The following TENM3 variants were observed in gnomAD, a reference collection of about 807,000 sequenced individuals.
The protein encoded by TENM3 is teneurin-3.
Under a neutral mutation model 255.1 loss-of-function variants are expected in TENM3, and 63 were observed. That is an observed-to-expected ratio of 0.25 (90% CI 0.20 to 0.30). The LOEUF is 0.30. Ranked by LOEUF, TENM3 falls within the 10% of genes least tolerant of loss-of-function variation. The pLI is 1.00. For synonymous variants in TENM3, 1,306 were observed against 1,322.3 expected (o/e 0.99, Z 0.27); for missense variants, 2,929 against 3,461.1 (o/e 0.85, Z 3.86).
chr4:182,566,962 T>A (rs776697833), intron 3 of TENM3, among the ~76,000 whole-genome samples: 7 of 152,186 alleles, frequency 4.6e-5, no homozygotes, highest in Non-Finnish European at 8.8e-5. Flanking sequence ...TATTCTTTAC[T>A]ATAATGAAGC....
chr4:182,447,516 G>A (rs1414314946), intron 3 of TENM3, among the ~76,000 whole-genome samples: 5 of 152,184 alleles, frequency 3.3e-5, no homozygotes, highest in Admixed American at 3.3e-4. Context: ...TGGGAATGAG[G>A]AAAGCATTTT....
the TENM3 span, among the ~76,000 whole-genome samples, chr4:181,703,510 T>C: frequency 6.6e-6 from 1 of 152,210 alleles, no homozygotes; most frequent in African/African-American, 2.4e-5. Flanking sequence ...CGAGGTGCCA[T>C]ATTGATGCGT....
In TENM3 at chr4:182,679,653, G is replaced by A. The variant is rs376045080; in HGVS notation, c.1327-13G>A. 350 of 1,598,726 alleles carry A rather than the reference G, an allele frequency of 2.2e-4. No homozygotes were observed. Among genetic ancestry groups the A allele is most frequent in the Admixed American group, 3.1e-4 (18 of 58,254 alleles). Reference sequence around the variant, plus strand: ...TTTATCTTTCTGACTATTTTTCCTCGTCCTCCCCCCAGTATGACTTCGTGG... The same window carrying A: ...TTTATCTTTCTGACTATTTTTCCTCATCCTCCCCCCAGTATGACTTCGTGG... On this transcript the variant is annotated splice_polypyrimidine_tract_variant and intron_variant, in intron 7 of 27. Coordinates refer to ENST00000511685, the MANE Select transcript of TENM3 (RefSeq NM_001080477.4).
Position 182,789,763 on chromosome 4 carries a change from C to T in TENM3, c.5601+374C>T, listed in dbSNP as rs564062514. ...TTTAAGAGAGAGCCTTACATTAGCACAGTTAAAGCTGTCAGCTTTGTGTTA... is the reference window on the plus strand; with the variant it reads ...TTTAAGAGAGAGCCTTACATTAGCATAGTTAAAGCTGTCAGCTTTGTGTTA... On this transcript the variant is annotated intron_variant, in intron 25 of 27. Coordinates refer to ENST00000511685, the MANE Select transcript of TENM3 (RefSeq NM_001080477.4). This position sits in a 1 kb window ranked among gnomAD's most constrained non-coding sequence, Gnocchi z 4.4. Among the ~76,000 whole-genome samples the T allele has an allele frequency of 1.4e-4, 22 of 152,324 alleles. No individual in the cohort carries two copies. In the South Asian group the frequency reaches 3.9e-3, roughly 27 times the overall value.
At chr4:181,915,672 C>A in the TENM3 span, among the ~76,000 whole-genome samples, 1 of 79,014 alleles carries the variant, frequency 1.3e-5, no homozygotes, top group Middle Eastern at 7.7e-3. Flanking sequence ...GAGGGGAGGA[C>A]GGAAGGGGAG....
intron 12 of TENM3, among the ~76,000 whole-genome samples, chr4:182,705,590 C>G (rs894476232): frequency 6.6e-6 from 1 of 152,144 alleles, no homozygotes; most frequent in Non-Finnish European, 1.5e-5. Context: ...TACCTGACGT[C>G]TATATAACCC....
the TENM3 span, among the ~76,000 whole-genome samples, chr4:182,091,489 G>A: frequency 1.3e-5 from 2 of 152,210 alleles, no homozygotes; most frequent in Non-Finnish European, 2.9e-5. Flanking sequence ...CTAAAGGAAA[G>A]AGGTGAGGTT....
chr4:181,661,773 T>C, the TENM3 span, among the ~76,000 whole-genome samples: 58 of 152,238 alleles, frequency 3.8e-4, 1 homozygote, highest in Admixed American at 2.6e-4. Context: ...AAGGAGACAC[T>C]TTCTTTTAAT....
In TENM3 at chr4:182,752,044, T is replaced by C; in HGVS notation, c.3862+12T>C. ...CATGAGTCCCAAAGGTACCGGCAGT[T>C]GGCGATTTGAGGATTTCTTTTTATT... is the stretch of plus-strand genomic sequence containing the variant. On this transcript the variant is annotated intron_variant, in intron 20 of 27. Coordinates refer to ENST00000511685, the MANE Select transcript of TENM3 (RefSeq NM_001080477.4). 4 of 1,459,062 alleles carry C rather than the reference T, an allele frequency of 2.7e-6. No homozygotes were observed. In the South Asian group the frequency reaches 4.1e-5, roughly 15 times the overall value. The allele number at this position is 1,459,062 out of a possible 1,614,324, so 90.4% of individuals were successfully genotyped here. A position where few individuals can be genotyped will look rare whatever the true frequency, so the allele number is the denominator to read the frequency against.
chr4:182,625,096 C>T (rs1750694835), intron 4 of TENM3, among the ~76,000 whole-genome samples: 1 of 152,128 alleles, frequency 6.6e-6, no homozygotes, highest in African/African-American at 2.4e-5. Flanking sequence ...AGTAGGTACT[C>T]AGGAAATGGC....
rs74999471 is a variant in TENM3, at chr4:182,199,493, T to C, written c.-76+54739T>C. On this transcript the variant is annotated intron_variant, in intron 1 of 2. Coordinates refer to the TENM3 transcript ENST00000512480. ...TTCAGTATCTTAGGAGCAAAAATCA[T>C]TGGTGGTTAGCGAGGAAGATTAAAC... 7.2e-3 allele frequency among the ~76,000 whole-genome samples: 1,091 copies of C among 152,192 alleles called. 23 individuals are homozygous for C. The highest frequency in any genetic ancestry group is 0.024 in the African/African-American group (1,013 of 41,518).
the TENM3 span, among the ~76,000 whole-genome samples, chr4:181,528,886 TACAC>T: frequency 4.4e-5 from 5 of 114,352 alleles, no homozygotes; most frequent in African/African-American, 1.5e-4. Flanking sequence ...CACACACACA[TACAC>T]ACACACACAC....
At chr4:182,641,870 A>G (rs1188292435) in intron 5 of TENM3, among the ~76,000 whole-genome samples, 1 of 152,204 alleles carries the variant, frequency 6.6e-6, no homozygotes, top group African/African-American at 2.4e-5. Context: ...AAGGAACCCA[A>G]ATGAAAATTG....
At chr4:182,229,635 T>TATAC (rs1554035303) in intron 1 of TENM3, among the ~76,000 whole-genome samples, 2 of 146,908 alleles carry the variant, frequency 1.4e-5, no homozygotes, top group African/African-American at 4.9e-5. Context: ...TATATATATA[T>TATAC]ACACACACAC....
chr4:181,532,950 A>T, the TENM3 span, among the ~76,000 whole-genome samples: 1 of 152,176 alleles, frequency 6.6e-6, no homozygotes, highest in Non-Finnish European at 1.5e-5. Flanking sequence ...GGATTTGTTT[A>T]AGACTGTGAA....
chr4:182,429,023 C>T (rs533872105), intron 3 of TENM3, among the ~76,000 whole-genome samples: 2 of 152,204 alleles, frequency 1.3e-5, no homozygotes, highest in Admixed American at 1.3e-4. Flanking sequence ...TGTCTATTGA[C>T]CTAACTGATC....
At chr4:182,224,105 A>T (rs1337718527) in intron 1 of TENM3, among the ~76,000 whole-genome samples, 2 of 152,210 alleles carry the variant, frequency 1.3e-5, no homozygotes, top group East Asian at 1.9e-4. Context: ...TTTCTAAAAG[A>T]TTTTAAGTAT....
At chr4:181,960,996 T>C in the TENM3 span, among the ~76,000 whole-genome samples, 1 of 152,176 alleles carries the variant, frequency 6.6e-6, no homozygotes, top group African/African-American at 2.4e-5. Flanking sequence ...TGGCTTTGGA[T>C]GTCTGATCTA....
the TENM3 span, among the ~76,000 whole-genome samples, chr4:181,704,537 ATT>A: frequency 6.6e-6 from 1 of 151,950 alleles, no homozygotes; most frequent in African/African-American, 2.4e-5. Context: ...GATACAAATT[ATT>A]TTTTTTCATT....
Sources: allele counts gnomAD v4.1 joint callset (sites outside exome capture counted in the v4.1 genomes callset), GRCh38; gene constraint gnomAD v4.1.1; non-coding constraint Gnocchi (gnomAD v3.1); transcripts MANE v1.5; gene names NCBI Gene and HGNC (gene_info 2026-07-23, HGNC 2026-07-21).